Variants in TIGAR observed in about 807,000 individuals in gnomAD.
The protein encoded by TIGAR is TP53 induced glycolysis regulatory phosphatase.
Under a neutral mutation model 17.9 loss-of-function variants are expected in TIGAR, and 7 were observed. That is an observed-to-expected ratio of 0.39 (90% CI 0.22 to 0.73). TIGAR has a LOEUF of 0.73. TIGAR is among the 30% of genes least tolerant of loss of function. The probability of loss-of-function intolerance (pLI) is 0.42; values close to 1 mark genes in which losing one functional copy is unlikely to be tolerated. For missense variants in TIGAR, 258 were observed against 327.4 expected (o/e 0.79, Z 1.64); for synonymous variants, 94 against 108.6 (o/e 0.87, Z 0.84).
chr12:4,334,608 G>A lies in TIGAR; in HGVS notation c.71-2431G>A, dbSNP rs7975880. On this transcript the variant is annotated intron_variant, in intron 2 of 5. Coordinates refer to ENST00000179259, the MANE Select transcript of TIGAR (RefSeq NM_020375.3). ...ATTATTATCTTCATTTGTTTAGATG[G>A]CATTTAAATTTATGAATATATTTGC... 1.4e-3 allele frequency among the ~76,000 whole-genome samples: 213 copies of A among 152,160 alleles called. 1 individual carries two copies. The highest frequency in any genetic ancestry group is 4.5e-3 in the African/African-American group (187 of 41,488).
At chr12:4,326,064 T>G (rs1224593291) in intron 1 of TIGAR, among the ~76,000 whole-genome samples, 1 of 152,338 alleles carries the variant, frequency 6.6e-6, no homozygotes, top group East Asian at 1.9e-4. Flanking sequence ...TTTTAAGAAC[T>G]GTGAGATAAC....
intron 3 of TIGAR, 74 bp from the exon 4 acceptor site, chr12:4,349,745 A>G (rs1864817387): frequency 4.8e-6 from 6 of 1,254,000 alleles, no homozygotes; most frequent in Non-Finnish European, 6.8e-6. Context: ...CTAAGATGAC[A>G]TAGATTCTTT....
chr12:4,337,788 A>G (rs1049343115), intron 3 of TIGAR, among the ~76,000 whole-genome samples: 2 of 152,206 alleles, frequency 1.3e-5, no homozygotes, highest in African/African-American at 4.8e-5. Context: ...GTCACTGTAA[A>G]GAAATAAAAG....
In TIGAR at chr12:4,352,919, ATGT is replaced by A; in HGVS notation, c.*229_*231del. 2 of 500,156 alleles carry A rather than the reference ATGT, an allele frequency of 4.0e-6. No individual in the cohort carries two copies. Among genetic ancestry groups the A allele is most frequent in the East Asian group, 6.2e-5 (2 of 32,322 alleles). The allele number at this position is 500,156 out of a possible 1,614,324, so 31.0% of individuals were successfully genotyped here. A position where few individuals can be genotyped will look rare whatever the true frequency, so the allele number is the denominator to read the frequency against. On this transcript the variant is annotated 3_prime_UTR_variant, in exon 6 of 6. Coordinates refer to ENST00000179259, the MANE Select transcript of TIGAR (RefSeq NM_020375.3). ...CAGAATAATTTTACCACCCTGCTAG[ATGT>A]CATCTCTGGATTGCACATGGATGAT...
chr12:4,334,378 C>T (rs182296451), intron 2 of TIGAR, among the ~76,000 whole-genome samples: 1 of 152,314 alleles, frequency 6.6e-6, no homozygotes, highest in African/African-American at 2.4e-5. Flanking sequence ...ATGAGGGCTC[C>T]ACCCTAGGAT....
intron 1 of TIGAR, among the ~76,000 whole-genome samples, chr12:4,325,029 G>A (rs1344260606): frequency 1.4e-5 from 2 of 147,978 alleles, no homozygotes; most frequent in South Asian, 4.3e-4. Flanking sequence ...CACAACCTCC[G>A]CCTCCCGGGT....
chr12:4,323,253 C>T (rs1308684692), intron 1 of TIGAR, among the ~76,000 whole-genome samples: 2 of 151,892 alleles, frequency 1.3e-5, no homozygotes, highest in Non-Finnish European at 2.9e-5. Flanking sequence ...CCAGCCTAAG[C>T]GACACAGTGG....
intron 2 of TIGAR, among the ~76,000 whole-genome samples, chr12:4,332,167 C>T (rs889346050): frequency 2.0e-5 from 3 of 150,530 alleles, no homozygotes; most frequent in Non-Finnish European, 2.9e-5. Flanking sequence ...TTTTCCTGAC[C>T]TTGTCAGTTG....
intron 1 of TIGAR, among the ~76,000 whole-genome samples, chr12:4,330,107 A>G (rs1197697502): frequency 1.3e-5 from 2 of 152,170 alleles, no homozygotes; most frequent in East Asian, 1.9e-4. Context: ...ACAAGCGGCA[A>G]GATTCCAGGA....
Position 4,352,749 on chromosome 12 carries a change from T to A in TIGAR, c.*58T>A. The stretch of plus-strand genomic sequence containing the variant: ...AGCCTCTGAAGGGAGTGCCATTGGC[T>A]TTATTTACTTCTCTCCTCTGCTAGT... On this transcript the variant is annotated 3_prime_UTR_variant, in exon 6 of 6. Coordinates refer to ENST00000179259, the MANE Select transcript of TIGAR (RefSeq NM_020375.3). 1 of 1,494,864 alleles carries A rather than the reference T, an allele frequency of 6.7e-7. No individual in the cohort carries two copies. The highest frequency in any genetic ancestry group is 1.3e-5 in the South Asian group (1 of 78,302). 92.6% of individuals were successfully genotyped at this position (1,494,864 alleles called of 1,614,324 possible).
At chr12:4,343,207 A>G (rs146640792) in intron 3 of TIGAR, among the ~76,000 whole-genome samples, 1,957 of 152,362 alleles carry the variant, frequency 0.013, 23 homozygotes, top group Non-Finnish European at 0.018. Context: ...ATATGCACCC[A>G]ATATAGGAGC....
chr12:4,350,155 G>A (rs1864822807), intron 4 of TIGAR, among the ~76,000 whole-genome samples: 1 of 152,180 alleles, frequency 6.6e-6, no homozygotes, highest in South Asian at 2.1e-4. Flanking sequence ...AGAGTTTAAA[G>A]TAAAGGTGAA....
chr12:4,341,490 A>T (rs1017548613), intron 3 of TIGAR, among the ~76,000 whole-genome samples: 4 of 152,172 alleles, frequency 2.6e-5, no homozygotes, highest in Non-Finnish European at 4.4e-5. Flanking sequence ...GGCACCCCCC[A>T]GTAGGAGCAG....
chr12:4,343,328 G>A (rs1269494319), intron 3 of TIGAR, among the ~76,000 whole-genome samples: 1 of 152,114 alleles, frequency 6.6e-6, no homozygotes, highest in Non-Finnish European at 1.5e-5. Context: ...AGATCAACAA[G>A]ACAGAAAGTT....
intron 1 of TIGAR, among the ~76,000 whole-genome samples, chr12:4,322,427 T>G (rs1864491425): frequency 6.6e-6 from 1 of 152,198 alleles, no homozygotes; most frequent in African/African-American, 2.4e-5. Flanking sequence ...AATGCGAGAA[T>G]TAAATGGGGG....
At chr12:4,341,664 C>G (rs1864723810) in intron 3 of TIGAR, among the ~76,000 whole-genome samples, 1 of 152,226 alleles carries the variant, frequency 6.6e-6, no homozygotes. Context: ...TCCAACAGAC[C>G]TGCAGCTGAG....
At chr12:4,331,428 T>C (rs1352960771) in intron 2 of TIGAR, 111 bp downstream of exon 2, 1 of 977,076 alleles carries the variant, frequency 1.0e-6, no homozygotes, top group African/African-American at 1.6e-5. Context: ...CCATTGTGAA[T>C]TGGGATTACA....
At chr12:4,326,642 C>T (rs1864549634) in intron 1 of TIGAR, among the ~76,000 whole-genome samples, 1 of 152,174 alleles carries the variant, frequency 6.6e-6, no homozygotes, top group Non-Finnish European at 1.5e-5. Flanking sequence ...GCTGCTTTCA[C>T]TGAAAATCGT....
chr12:4,336,975 G>A, intron 2 of TIGAR, 64 bp from the exon 3 acceptor site: 4 of 1,404,046 alleles, frequency 2.8e-6, no homozygotes, highest in South Asian at 1.7e-5. Flanking sequence ...TTTTCTACAT[G>A]TGATTTATAC....
Sources: allele counts gnomAD v4.1 joint callset (sites outside exome capture counted in the v4.1 genomes callset), GRCh38; gene constraint gnomAD v4.1.1; transcripts MANE v1.5; gene names NCBI Gene and HGNC (gene_info 2026-07-23, HGNC 2026-07-21).